The following SEM1 variants were observed in gnomAD, a reference collection of about 807,000 sequenced individuals.
SEM1 encodes SEM1 26S proteasome subunit, also known as 26S proteasome complex subunit SEM1.
A neutral mutation model predicts 12.7 loss-of-function variants in SEM1; 3 were observed. The observed-to-expected ratio is 0.24, with a 90% confidence interval of 0.11 to 0.61. The LOEUF is 0.61. SEM1 is among the 20% of genes least tolerant of loss of function. The pLI is 0.88. For synonymous variants in SEM1, 30 were observed against 27.8 expected (o/e 1.08, Z -0.25); for missense variants, 59 against 81.3 (o/e 0.73, Z 1.06).
chr7:96,669,049 C>T (rs1789241904), downstream of SEM1, among the ~76,000 whole-genome samples: 1 of 152,132 alleles, frequency 6.6e-6, no homozygotes, highest in Admixed American at 6.6e-5. Flanking sequence ...GAGCATGGCC[C>T]TGCTGACACC....
intron 2 of SEM1, among the ~76,000 whole-genome samples, chr7:96,600,926 C>T (rs528056077): frequency 1.3e-5 from 2 of 152,136 alleles, no homozygotes; most frequent in Non-Finnish European, 2.9e-5. Flanking sequence ...ACCCAACACT[C>T]CACACACACT....
intron 2 of SEM1, among the ~76,000 whole-genome samples, chr7:96,600,103 AC>A (rs1807152619): frequency 6.6e-6 from 1 of 152,198 alleles, no homozygotes; most frequent in Admixed American, 6.5e-5. Context: ...GAATTTACAT[AC>A]TTTTAAATGC....
At chr7:96,633,910 TA>T (rs1186903128) in intron 2 of SEM1, among the ~76,000 whole-genome samples, 1 of 152,152 alleles carries the variant, frequency 6.6e-6, no homozygotes, top group African/African-American at 2.4e-5. Flanking sequence ...GAAGATCTGC[TA>T]AAACCAATGA....
chr7:96,481,843 G>A (rs1438211769), exon 4 of SEM1: 1 of 152,046 alleles, frequency 6.6e-6, no homozygotes, highest in African/African-American at 2.4e-5. Context: ...ATACACATAT[G>A]ATGCATGCAT....
At chr7:96,638,980 G>A (rs1282989842) in intron 2 of SEM1, among the ~76,000 whole-genome samples, 1 of 151,784 alleles carries the variant, frequency 6.6e-6, no homozygotes, top group Admixed American at 6.6e-5. Context: ...ACAATAATGG[G>A]ACCCATATAA....
intron 2 of SEM1, among the ~76,000 whole-genome samples, chr7:96,514,072 T>A (rs1804014447): frequency 6.6e-6 from 1 of 152,110 alleles, no homozygotes; most frequent in African/African-American, 2.4e-5. Flanking sequence ...GAAAATTTAC[T>A]ATTACAAGCA....
chr7:96,567,919 TACAC>T (rs57314671), intron 2 of SEM1, among the ~76,000 whole-genome samples: 35 of 140,052 alleles, frequency 2.5e-4, no homozygotes, highest in African/African-American at 1.1e-3. Flanking sequence ...TACACACACA[TACAC>T]ACACACATGC....
At chr7:96,499,966 G>T (rs1803455093), upstream of SEM1, among the ~76,000 whole-genome samples, 1 of 152,076 alleles carries the variant, frequency 6.6e-6, no homozygotes, top group South Asian at 2.1e-4. Context: ...ATTAGTAAGG[G>T]TATAATTTTT....
At chr7:96,684,274 G>T (rs1332852553), downstream of SEM1, among the ~76,000 whole-genome samples, 2 of 152,074 alleles carry the variant, frequency 1.3e-5, no homozygotes, top group African/African-American at 4.8e-5. Context: ...GATGCTTCTA[G>T]CCCCACTTTT....
chr7:96,564,704 T>G (rs1805794375), intron 2 of SEM1, among the ~76,000 whole-genome samples: 1 of 152,006 alleles, frequency 6.6e-6, no homozygotes, highest in South Asian at 2.1e-4. Context: ...TATCTAGTCT[T>G]GGACACCCTA....
At chr7:96,501,075 G>A (rs945126589), upstream of SEM1, among the ~76,000 whole-genome samples, 1 of 152,088 alleles carries the variant, frequency 6.6e-6, no homozygotes. Flanking sequence ...CTTCAATATC[G>A]TGACAAGTTG....
chr7:96,607,492 TAACA>T (rs1292553688), intron 2 of SEM1, among the ~76,000 whole-genome samples: 2 of 152,252 alleles, frequency 1.3e-5, no homozygotes, highest in African/African-American at 2.4e-5. Flanking sequence ...TTATCTCATT[TAACA>T]AACATTTTGT....
chr7:96,496,451 G>A (rs1803264996), upstream of SEM1: 1 of 556,070 alleles, frequency 1.8e-6, no homozygotes, highest in Admixed American at 3.4e-5. Context: ...CCAACAAATG[G>A]AACATATGTT....
chr7:96,707,599 T>C (rs1372767220), intron 1 of SEM1, among the ~76,000 whole-genome samples: 1 of 152,252 alleles, frequency 6.6e-6, no homozygotes, highest in Non-Finnish European at 1.5e-5. Flanking sequence ...AACAAGTCTG[T>C]TGTGAGTCTT....
intron 2 of SEM1, among the ~76,000 whole-genome samples, chr7:96,529,991 T>C (rs1368924905): frequency 6.6e-6 from 1 of 152,064 alleles, no homozygotes; most frequent in Non-Finnish European, 1.5e-5. Flanking sequence ...ACTTAACTCA[T>C]GGGAAAACTC....
intron 2 of SEM1, among the ~76,000 whole-genome samples, chr7:96,534,834 A>G (rs1201205043): frequency 2.0e-5 from 3 of 152,034 alleles, no homozygotes; most frequent in African/African-American, 7.2e-5. Flanking sequence ...TTTTGAAAAT[A>G]TTGTTACTTT....
chr7:96,634,290 T>A (rs1808360239), intron 2 of SEM1, among the ~76,000 whole-genome samples: 1 of 152,172 alleles, frequency 6.6e-6, no homozygotes, highest in Non-Finnish European at 1.5e-5. Context: ...GTGATAACTA[T>A]GGCAATTGAG....
chr7:96,590,781 C>A (rs1806804636), intron 2 of SEM1, among the ~76,000 whole-genome samples: 1 of 152,114 alleles, frequency 6.6e-6, no homozygotes, highest in Admixed American at 6.5e-5. Context: ...GTAGATTCGC[C>A]ATTGAGGAAG....
In SEM1 at chr7:96,692,384, G is replaced by C. The variant is rs558286270; in HGVS notation, c.170+2414C>G. 1.1e-4 allele frequency among the ~76,000 whole-genome samples: 17 copies of C among 152,178 alleles called. No individual in the cohort carries two copies. The South Asian group carries it at 3.5e-3, about 32-fold the overall frequency. On this transcript the variant is annotated intron_variant, in intron 2 of 2. Coordinates refer to ENST00000248566, the MANE Select transcript of SEM1 (RefSeq NM_006304.2). ...ATTTCAAAATGTCAAAAACATATCA[G>C]GAAGAAAACTCTGACACGTGATTAA...
Sources: allele counts gnomAD v4.1 joint callset (sites outside exome capture counted in the v4.1 genomes callset), GRCh38; gene constraint gnomAD v4.1.1; transcripts MANE v1.5; gene names NCBI Gene and HGNC (gene_info 2026-07-23, HGNC 2026-07-21).